ICA1: variants seen among roughly 807,000 people sequenced by gnomAD.
ICA1 encodes the protein 69 kDa islet cell autoantigen.
ICA1 carries 40 observed loss-of-function variants against 71.0 expected under a neutral mutation model. The observed-to-expected ratio is 0.56, with a 90% CI of 0.44 to 0.73. The LOEUF (loss-of-function observed/expected upper bound fraction) is 0.73, where lower values mean the gene tolerates loss of function less well. ICA1 is among the 30% of genes least tolerant of loss of function. The probability of loss-of-function intolerance (pLI) is 0.00; values close to 1 mark genes in which losing one functional copy is unlikely to be tolerated. For missense variants in ICA1, 578 were observed against 576.5 expected, an observed-to-expected ratio of 1.00 and a Z score of -0.03; for synonymous variants, 207 against 209.5, an observed-to-expected ratio of 0.99 and a Z score of 0.10.
intron 12 of ICA1, among the ~76,000 whole-genome samples, chr7:8,136,376 G>A (rs190154888): frequency 9.0e-4 from 137 of 152,236 alleles, no homozygotes; most frequent in Admixed American, 2.4e-3. Flanking sequence ...GTTTAATGTC[G>A]TGCATATTGT....
At chr7:8,196,637 G>C (rs759032901) in intron 6 of ICA1, among the ~76,000 whole-genome samples, 1 of 152,116 alleles carries the variant, frequency 6.6e-6, no homozygotes. Flanking sequence ...GGGAAGCGGG[G>C]AGTGAGTATG....
In ICA1 at chr7:8,157,142, G is replaced by A. The variant is rs1464009418; in HGVS notation, c.778C>T (p.Gln260Ter). 1 of 1,613,886 alleles carries A rather than the reference G, an allele frequency of 6.2e-7. No homozygotes were observed. Among genetic ancestry groups the A allele is most frequent in the South Asian group, 1.1e-5 (1 of 91,016 alleles). Reference sequence around the variant, plus strand: ...TTTAAAGTAGTAAATTCATATGGTTGATAACCTTTGAAACTCTCATGGATG... The same window carrying A: ...TTTAAAGTAGTAAATTCATATGGTTAATAACCTTTGAAACTCTCATGGATG... Reference protein sequence around the residue: ...AAIHESFKGYQPYEFTTLKSL... With the variant: ...AAIHESFKGY Residue 260 changes from glutamine to a stop codon, truncating the protein, a stop_gained, in exon 8 of 14, where the codon CAA becomes TAA. Coordinates refer to ENST00000402384, the MANE Select transcript of ICA1 (RefSeq NM_001136020.3). LOFTEE classifies it high-confidence loss of function.
intron 1 of ICA1, among the ~76,000 whole-genome samples, chr7:8,261,794 T>C (rs1450326663): frequency 6.6e-6 from 1 of 152,102 alleles, no homozygotes; most frequent in Non-Finnish European, 1.5e-5. Context: ...CTCCCAGCGC[T>C]GGGGCCGGAG....
intron 6 of ICA1, among the ~76,000 whole-genome samples, chr7:8,202,932 T>C (rs928441794): frequency 2.0e-5 from 3 of 152,198 alleles, no homozygotes; most frequent in East Asian, 1.9e-4. Context: ...AATTTTAACA[T>C]GCATATCAGG....
At chr7:8,133,361 C>A (rs1792187708) in intron 12 of ICA1, among the ~76,000 whole-genome samples, 1 of 152,158 alleles carries the variant, frequency 6.6e-6, no homozygotes, top group South Asian at 2.1e-4. Flanking sequence ...GTGGTGCAAC[C>A]ATAGCACTCC....
At chr7:8,135,215 C>G (rs1397575359) in intron 12 of ICA1, among the ~76,000 whole-genome samples, 1 of 152,010 alleles carries the variant, frequency 6.6e-6, no homozygotes, top group Non-Finnish European at 1.5e-5. Context: ...TTAGTAGAGA[C>G]AGGGTTTCAT....
intron 6 of ICA1, among the ~76,000 whole-genome samples, chr7:8,174,771 A>AAAAAACACAAAAAACC (rs1554310915): frequency 9.4e-6 from 1 of 106,038 alleles, no homozygotes; most frequent in Non-Finnish European, 2.0e-5. Context: ...AAAAAAAAAA[A>AAAAAACACAAAAAACC]AAAAAAAACA....
chr7:8,260,064 C>G (rs546424171), intron 1 of ICA1, among the ~76,000 whole-genome samples: 3 of 152,052 alleles, frequency 2.0e-5, no homozygotes, highest in Non-Finnish European at 4.4e-5. Context: ...GCTCAACCAA[C>G]GAAGAGGAAA....
At chr7:8,209,679 T>C (rs1401271147) in intron 6 of ICA1, among the ~76,000 whole-genome samples, 2 of 152,164 alleles carry the variant, frequency 1.3e-5, no homozygotes, top group South Asian at 2.1e-4. Flanking sequence ...CTAAGAAGCA[T>C]GTATAAAGTG....
At position 8,223,735 on chromosome 7, in the gene ICA1, C is replaced by T. The variant is rs1435476376; in HGVS notation, c.257-2337G>A. On this transcript the variant is annotated intron_variant, in intron 4 of 13. Coordinates refer to ENST00000402384, the MANE Select transcript of ICA1 (RefSeq NM_001136020.3). This position sits in a 1 kb window ranked among gnomAD's most constrained non-coding sequence, Gnocchi z 4.1. ...TTGATACTAGGAGTTCAAGACCAGC[C>T]TGTGCAACATAGCAAGACCCCTGTC... is the stretch of plus-strand genomic sequence containing the variant. Among the ~76,000 whole-genome samples the T allele has an allele frequency of 6.6e-6, 1 of 152,022 alleles. No homozygotes were observed. The highest frequency in any genetic ancestry group is 1.9e-4 in the East Asian group (1 of 5,196).
intron 1 of ICA1, among the ~76,000 whole-genome samples, chr7:8,242,008 G>A (rs1293974809): frequency 2.6e-5 from 4 of 152,070 alleles, no homozygotes; most frequent in South Asian, 2.1e-4. Flanking sequence ...ACAGATCAAC[G>A]AGACAGAAGG....
chr7:8,242,971 G>T (rs868126801), intron 1 of ICA1, among the ~76,000 whole-genome samples: 1 of 152,068 alleles, frequency 6.6e-6, no homozygotes, highest in Non-Finnish European at 1.5e-5. Context: ...ATTCACAGCC[G>T]AATTCTACCA....
chr7:8,194,931 A>C (rs1036922095), intron 6 of ICA1, among the ~76,000 whole-genome samples: 6 of 152,244 alleles, frequency 3.9e-5, no homozygotes, highest in Non-Finnish European at 7.3e-5. Context: ...ATAATAAAGC[A>C]TTAAAAATTA....
intron 8 of ICA1, among the ~76,000 whole-genome samples, chr7:8,146,548 T>C (rs1437924408): frequency 6.6e-6 from 1 of 152,054 alleles, no homozygotes; most frequent in Non-Finnish European, 1.5e-5. Flanking sequence ...GTCTCCCTAA[T>C]GCATGACAAC....
At chr7:8,149,304 C>G (rs1798049148) in intron 8 of ICA1, among the ~76,000 whole-genome samples, 1 of 152,242 alleles carries the variant, frequency 6.6e-6, no homozygotes. Flanking sequence ...TAGCAGCACA[C>G]AGAGTCATAC....
chr7:8,177,292 TTC>T (rs1476355965), intron 6 of ICA1, among the ~76,000 whole-genome samples: 2 of 152,358 alleles, frequency 1.3e-5, no homozygotes, highest in African/African-American at 4.8e-5. Context: ...TTTTACATTG[TTC>T]CAACATTCTT....
At chr7:8,124,184 G>A (rs1323702000) in intron 13 of ICA1, among the ~76,000 whole-genome samples, 1 of 147,612 alleles carries the variant, frequency 6.8e-6, no homozygotes, top group Non-Finnish European at 1.5e-5. Flanking sequence ...GCAGTGGCGG[G>A]ATCTCGGCTC....
At chr7:8,152,453 A>T (rs1799145597) in intron 8 of ICA1, among the ~76,000 whole-genome samples, 1 of 151,780 alleles carries the variant, frequency 6.6e-6, no homozygotes, top group Admixed American at 6.6e-5. Context: ...TATCCTCACC[A>T]CTGCCACCAC....
At chr7:8,239,045 G>T (rs112328657) in intron 1 of ICA1, among the ~76,000 whole-genome samples, 1 of 152,192 alleles carries the variant, frequency 6.6e-6, no homozygotes, top group Non-Finnish European at 1.5e-5. Context: ...CAAACTACTG[G>T]ATCATAGGCA....
Sources: gnomAD v4.1 joint callset for allele counts (sites outside exome capture counted in the v4.1 genomes callset) on GRCh38, gnomAD v4.1.1 for gene constraint, Gnocchi (gnomAD v3.1) non-coding constraint, MANE v1.5 for transcripts, NCBI Gene and HGNC (gene_info 2026-07-23, HGNC 2026-07-21) for gene names.